Variants in GRIA1 observed in about 807,000 individuals in gnomAD.
GRIA1 encodes glutamate receptor 1.
GRIA1 carries 31 observed loss-of-function variants against 99.2 expected under a neutral mutation model. That is an observed-to-expected ratio of 0.31 (90% confidence interval 0.23 to 0.42). GRIA1 has a LOEUF of 0.42. Ranked by LOEUF, GRIA1 falls within the 10% of genes least tolerant of loss-of-function variation. The pLI, the probability that GRIA1 is intolerant of heterozygous loss-of-function variation, is 1.00. For missense variants in GRIA1, 782 were observed against 1,157.5 expected, an observed-to-expected ratio of 0.68 and a Z score of 4.71; for synonymous variants, 438 against 432.4, an observed-to-expected ratio of 1.01 and a Z score of -0.16.
chr5:153,738,941 C>T (rs943397113), intron 11 of GRIA1, among the ~76,000 whole-genome samples: 5 of 151,798 alleles, frequency 3.3e-5, no homozygotes, highest in Admixed American at 2.0e-4. Flanking sequence ...AGGATGGTCT[C>T]GAACTCCCGA....
chr5:153,793,200 T>C (rs1765416100), intron 13 of GRIA1, among the ~76,000 whole-genome samples: 1 of 152,098 alleles, frequency 6.6e-6, no homozygotes, highest in South Asian at 2.1e-4. Context: ...AAAATAAAAA[T>C]GTTTGCTCTG....
chr5:153,564,000 A>C (rs923233570), intron 2 of GRIA1, among the ~76,000 whole-genome samples: 1 of 152,174 alleles, frequency 6.6e-6, no homozygotes, highest in Admixed American at 6.5e-5. Context: ...TAAGTTGAGG[A>C]GCTATTTGGG....
At chr5:153,552,247 AG>A (rs1169833397) in intron 2 of GRIA1, among the ~76,000 whole-genome samples, 7 of 112,918 alleles carry the variant, frequency 6.2e-5, no homozygotes, top group African/African-American at 1.1e-4. Context: ...GCAAAAAAAA[AG>A]AAAAAAAAAA....
chr5:153,721,616 TA>T (rs1302435193), intron 11 of GRIA1, among the ~76,000 whole-genome samples: 2 of 152,238 alleles, frequency 1.3e-5, no homozygotes, highest in Non-Finnish European at 2.9e-5. Flanking sequence ...TAGAATTATA[TA>T]GTATCTATTT....
At chr5:153,666,314 G>A (rs1036390307) in intron 5 of GRIA1, among the ~76,000 whole-genome samples, 3 of 152,172 alleles carry the variant, frequency 2.0e-5, no homozygotes, top group Non-Finnish European at 4.4e-5. Flanking sequence ...CAGGGAAGAT[G>A]AGAAGGGCCC....
At chr5:153,560,734 C>G (rs1310840388) in intron 2 of GRIA1, among the ~76,000 whole-genome samples, 1 of 152,206 alleles carries the variant, frequency 6.6e-6, no homozygotes, top group African/African-American at 2.4e-5. Flanking sequence ...AGCATGACAA[C>G]AGACTAGTCT....
chr5:153,628,835 T>G (rs1468257953), intron 2 of GRIA1, among the ~76,000 whole-genome samples: 1 of 152,210 alleles, frequency 6.6e-6, no homozygotes, highest in Non-Finnish European at 1.5e-5. Context: ...CACTCTTTGT[T>G]GTGTGTTCAG....
intron 2 of GRIA1, among the ~76,000 whole-genome samples, chr5:153,552,947 T>C (rs879419377): frequency 1.3e-5 from 2 of 152,194 alleles, no homozygotes; most frequent in Non-Finnish European, 2.9e-5. Flanking sequence ...CCTTTTTCTG[T>C]AGAAACAGGG....
chr5:153,536,583 A>C (rs1758595661), intron 2 of GRIA1, among the ~76,000 whole-genome samples: 1 of 152,154 alleles, frequency 6.6e-6, no homozygotes, highest in Non-Finnish European at 1.5e-5. Context: ...CACCCCAGCA[A>C]AGTGTGTTGA....
intron 2 of GRIA1, chr5:153,494,390 T>A (rs1754215367): frequency 3.7e-6 from 1 of 270,240 alleles, no homozygotes. Flanking sequence ...ATACGAATCT[T>A]CTGAGAGGCA....
chr5:153,726,309 C>T (rs1228804040), intron 11 of GRIA1, among the ~76,000 whole-genome samples: 1 of 148,160 alleles, frequency 6.7e-6, no homozygotes, highest in Non-Finnish European at 1.5e-5. Flanking sequence ...AACTTCACAC[C>T]CTAACATCAC....
intron 2 of GRIA1, among the ~76,000 whole-genome samples, chr5:153,497,772 G>A (rs577929222): frequency 1.3e-5 from 2 of 152,200 alleles, no homozygotes; most frequent in Admixed American, 6.5e-5. Context: ...ACCAAACCTA[G>A]GCATGACATA....
chr5:153,557,219 ACACTC>A (rs141093287), intron 2 of GRIA1, among the ~76,000 whole-genome samples: 7,596 of 152,234 alleles, frequency 0.05, 259 homozygotes, highest in Non-Finnish European at 0.076. Context: ...GAGTTTATAA[ACACTC>A]CACGGTTAGG....
At chr5:153,629,359 G>A (rs1752762735) in intron 2 of GRIA1, among the ~76,000 whole-genome samples, 1 of 152,212 alleles carries the variant, frequency 6.6e-6, no homozygotes, top group African/African-American at 2.4e-5. Context: ...AGCCAGTGAA[G>A]TGAGAAGATT....
intron 15 of GRIA1, among the ~76,000 whole-genome samples, chr5:153,810,240 C>A (rs1766723452): frequency 1.3e-5 from 2 of 152,202 alleles, no homozygotes; most frequent in African/African-American, 4.8e-5. Context: ...ATATGTCAGT[C>A]TGGAAGTACA....
intron 2 of GRIA1, among the ~76,000 whole-genome samples, chr5:153,502,443 G>A (rs772739350): frequency 6.6e-6 from 1 of 152,166 alleles, no homozygotes; most frequent in Non-Finnish European, 1.5e-5. Context: ...TTATTACTGT[G>A]TAGCTCCAAA....
chr5:153,769,465 A>C (rs1389250155), intron 12 of GRIA1, among the ~76,000 whole-genome samples: 2 of 152,088 alleles, frequency 1.3e-5, no homozygotes, highest in Admixed American at 6.5e-5. Flanking sequence ...CAGAACCAGC[A>C]TCTCAAGTGG....
intron 2 of GRIA1, among the ~76,000 whole-genome samples, chr5:153,607,695 T>C (rs10037591): frequency 2.6e-5 from 4 of 152,084 alleles, no homozygotes; most frequent in Admixed American, 6.5e-5. Context: ...TCCCAGATGG[T>C]ACAAAGACCT....
At chr5:153,623,025 C>G (rs1200357448) in intron 2 of GRIA1, among the ~76,000 whole-genome samples, 1 of 152,172 alleles carries the variant, frequency 6.6e-6, no homozygotes, top group African/African-American at 2.4e-5. Flanking sequence ...TTTAGGATAA[C>G]TATACTCTAG....
Sources: allele counts gnomAD v4.1 joint callset (sites outside exome capture counted in the v4.1 genomes callset), GRCh38; gene constraint gnomAD v4.1.1; transcripts MANE v1.5; gene names NCBI Gene and HGNC (gene_info 2026-07-23, HGNC 2026-07-21).